The following ZNF777 variants were observed in gnomAD, a reference collection of about 807,000 sequenced individuals.
The protein encoded by ZNF777 is zinc finger protein 777.
A neutral mutation model predicts 72.1 loss-of-function variants in ZNF777; 7 were observed. The observed-to-expected ratio is 0.10, with a 90% CI of 0.06 to 0.18. The LOEUF (loss-of-function observed/expected upper bound fraction) is 0.18. ZNF777 is among the 10% of genes least tolerant of loss of function. The probability of loss-of-function intolerance (pLI) is 1.00; values close to 1 mark genes in which losing one functional copy is unlikely to be tolerated. For missense variants in ZNF777, 828 were observed against 1,128.6 expected (o/e 0.73, Z 3.82); for synonymous variants, 545 against 483.5 (o/e 1.13, Z -1.67).
At position 149,436,520 on chromosome 7, in the gene ZNF777, C is replaced by A; in HGVS notation, c.1339+55G>T. On this transcript the variant is annotated intron_variant, in intron 5 of 5. Coordinates refer to ENST00000247930, the MANE Select transcript of ZNF777 (RefSeq NM_015694.3). This position sits in a 1 kb window ranked among gnomAD's most constrained non-coding sequence, Gnocchi z 5.0. The stretch of plus-strand genomic sequence containing the variant: ...CCACAGCTTTCCCAGGGGGCAGGGG[C>A]CCTCTGGGAGGCCTCATGGCAACCC... 6.5e-7 allele frequency: 1 copy of A among 1,531,438 alleles called. No individual in the cohort carries two copies. Among genetic ancestry groups the A allele is most frequent in the Non-Finnish European group, 8.8e-7 (1 of 1,139,148 alleles). The allele number at this position is 1,531,438 out of a possible 1,614,324, so 94.9% of individuals were successfully genotyped here.
At position 149,431,566 on chromosome 7, in the gene ZNF777, T is replaced by A; in HGVS notation, c.*210A>T. ...GAAAGGGTTCCCCAGGTCCGCGCCC[T>A]CCCCCCTGGGGCCCCCGGGGAAACG... On this transcript the variant is annotated 3_prime_UTR_variant, in exon 6 of 6. Transcript: ENST00000247930. 1 of 495,714 alleles carries A rather than the reference T, an allele frequency of 2.0e-6. No individual in the cohort carries two copies. The highest frequency in any genetic ancestry group is 3.7e-6 in the Non-Finnish European group (1 of 272,710). 30.7% of individuals were successfully genotyped at this position (495,714 alleles called of 1,614,324 possible).
Position 149,431,463 on chromosome 7 carries a change from C to T in ZNF777, c.*313G>A, listed in dbSNP as rs1799301838. ...ACTAGATGGGCCCTACACCGCCCCT[C>T]TGAGTGGCCGGCGGCCAAATCACGC... On this transcript the variant is annotated 3_prime_UTR_variant, in exon 6 of 6. Transcript: ENST00000247930. 2.2e-6 allele frequency: 1 copy of T among 446,296 alleles called. No homozygotes were observed. The highest frequency in any genetic ancestry group is 4.5e-6 in the Non-Finnish European group (1 of 222,730). The allele number at this position is 446,296 out of a possible 1,614,324, so 27.6% of individuals were successfully genotyped here.
At position 149,432,742 on chromosome 7, in the gene ZNF777, G is replaced by T. The variant is rs745544962; in HGVS notation, c.1530C>A (p.Asn510Lys). 4.3e-6 allele frequency: 7 copies of T among 1,611,806 alleles called. No homozygotes were observed. Among genetic ancestry groups the T allele is most frequent in the Non-Finnish European group, 4.2e-6 (5 of 1,178,470 alleles). ...AGGGCGCCAGCCTTTTCACTGCGGGGTTTCCTAGCTGCAGGGGCGGGGGGC... is the reference window on the plus strand; with the variant it reads ...AGGGCGCCAGCCTTTTCACTGCGGGTTTTCCTAGCTGCAGGGGCGGGGGGC... ...EESPPPLQLG[N>K]PAVKRLAPSV... Residue 510 changes from asparagine to lysine, a missense_variant, in exon 6 of 6, where the codon AAC becomes AAA. Asn to Lys is a moderately conservative substitution (Grantham distance 94, BLOSUM62 0). Transcript: ENST00000247930.
intron 4 of ZNF777, among the ~76,000 whole-genome samples, chr7:149,448,583 A>ATATAAC (rs1554494025): frequency 1.1e-4 from 2 of 19,030 alleles, no homozygotes; most frequent in Non-Finnish European, 1.7e-4. Context: ...ATATAACTAT[A>ATATAAC]TATATATATA....
At position 149,431,496 on chromosome 7, in the gene ZNF777, G is replaced by A. The variant is rs1227263194; in HGVS notation, c.*280C>T. 1.3e-5 allele frequency: 6 copies of A among 451,388 alleles called. No homozygotes were observed. The highest frequency in any genetic ancestry group is 9.5e-5 in the South Asian group (6 of 63,244). 28.0% of individuals were successfully genotyped at this position (451,388 alleles called of 1,614,324 possible). A position where few individuals can be genotyped will look rare whatever the true frequency, so the allele number is the denominator to read the frequency against. ...CCGGCGGCCAAATCACGCCCCCCGT[G>A]CTGATTGGTTTCATCCATTTTATTG... On this transcript the variant is annotated 3_prime_UTR_variant, in exon 6 of 6. Coordinates refer to ENST00000247930, the MANE Select transcript of ZNF777 (RefSeq NM_015694.3).
intron 4 of ZNF777, among the ~76,000 whole-genome samples, chr7:149,446,539 G>A (rs1215560559): frequency 4.1e-4 from 62 of 152,052 alleles, no homozygotes; most frequent in Non-Finnish European, 5.9e-5. Context: ...GAGAAATATG[G>A]CTTTGGTATG....
In ZNF777 at chr7:149,432,427, G is replaced by C; in HGVS notation, c.1845C>G (p.His615Gln). ...PERGPTFNPKHALKPRPKSPS... is the reference protein window; with the variant it reads ...PERGPTFNPKQALKPRPKSPS... ...GTGACTTGGGACGCGGCTTGAGCGC[G>C]TGCTTGGGGTTGAACGTGGGCCCGC... is the stretch of plus-strand genomic sequence containing the variant. Residue 615 changes from histidine (H) to glutamine (Q), a missense_variant, in exon 6 of 6, where the codon CAC (histidine) becomes CAG (glutamine). Coordinates refer to ENST00000247930, the MANE Select transcript of ZNF777 (RefSeq NM_015694.3). 1 of 1,613,446 alleles carries C rather than the reference G, an allele frequency of 6.2e-7. No homozygotes were observed. The highest frequency in any genetic ancestry group is 1.1e-5 in the South Asian group (1 of 91,074).
Position 149,454,401 on chromosome 7 carries a change from G to A in ZNF777, c.847-164C>T, listed in dbSNP as rs1343990292. On this transcript the variant is annotated intron_variant, in intron 2 of 5. Coordinates refer to ENST00000247930, the MANE Select transcript of ZNF777 (RefSeq NM_015694.3). ...CAAAGAGTGAGGGGCCTGTCTTGTCGGATCCTTTTCCTCCCCTTCAGGATA... is the reference window on the plus strand; with the variant it reads ...CAAAGAGTGAGGGGCCTGTCTTGTCAGATCCTTTTCCTCCCCTTCAGGATA... Among the ~76,000 whole-genome samples the A allele has an allele frequency of 2.6e-5, 4 of 152,182 alleles. No homozygotes were observed. The East Asian group carries it at 7.7e-4, about 29-fold the overall frequency.
intron 3 of ZNF777, among the ~76,000 whole-genome samples, chr7:149,453,195 A>C (rs555064778): frequency 6.6e-6 from 1 of 152,202 alleles, no homozygotes; most frequent in South Asian, 2.1e-4. Context: ...ACCTCTGGGG[A>C]GTGGTACTGG....
chr7:149,432,611 C>G lies in ZNF777; in HGVS notation c.1661G>C (p.Ser554Thr). Reference protein sequence around the residue: ...RPFTCMECGKSFRLKINLIIH... With the variant: ...RPFTCMECGKTFRLKINLIIH... ...GATGAGGTTGATCTTCAGGCGGAAG[C>G]TCTTGCCGCACTCCATGCATGTGAA... Residue 554 changes from serine (S) to threonine (T), a missense_variant, in exon 6 of 6, where the codon AGC (serine) becomes ACC (threonine). By Grantham distance (58) the Ser-to-Thr change is moderately conservative. Transcript: ENST00000247930. 1 of 1,613,888 alleles carries G rather than the reference C, an allele frequency of 6.2e-7. No homozygotes were observed. The highest frequency in any genetic ancestry group is 8.5e-7 in the Non-Finnish European group (1 of 1,179,830).
intron 5 of ZNF777, among the ~76,000 whole-genome samples, chr7:149,434,948 C>T (rs919470755): frequency 4.6e-5 from 7 of 152,150 alleles, no homozygotes; most frequent in African/African-American, 1.7e-4. Context: ...AAACTCAAGA[C>T]TCAAAACTCC....
rs1207898577 is a variant in ZNF777 at position 149,432,228 on chromosome 7, G to A, written c.2044C>T (p.His682Tyr). ...SFRLHISLVI[H>Y]QRVHAGKHEV... Reference sequence around the variant, plus strand: ...TGCTTGCCCGCGTGCACGCGCTGATGGATCACCAAGCTGATGTGCAGGCGG... The same window carrying A: ...TGCTTGCCCGCGTGCACGCGCTGATAGATCACCAAGCTGATGTGCAGGCGG... Residue 682 changes from histidine (H) to tyrosine (Y), a missense_variant, in exon 6 of 6, where the codon CAT becomes TAT. Physicochemically the swap from His to Tyr is moderately conservative, Grantham distance 83 (BLOSUM62 2). Around this residue, in one of 12 missense-constraint regions of ZNF777, gnomAD observed 26 missense variants for 62.1 expected, o/e 0.42. Coordinates refer to ENST00000247930, the MANE Select transcript of ZNF777 (RefSeq NM_015694.3). The A allele has an allele frequency of 6.2e-7, 1 of 1,608,114 alleles. No homozygotes were observed. Among genetic ancestry groups the A allele is most frequent in the East Asian group, 2.2e-5 (1 of 44,822 alleles).
At chr7:149,451,812 A>C (rs531285060) in intron 3 of ZNF777, among the ~76,000 whole-genome samples, 1 of 152,380 alleles carries the variant, frequency 6.6e-6, no homozygotes, top group East Asian at 1.9e-4. Flanking sequence ...AAGATGAAGA[A>C]ACTTGGAGGA....
At position 149,460,040 on chromosome 7, in the gene ZNF777, G is replaced by C; in HGVS notation, c.-16+775C>G. ...GTTTCTGCCCCTTACCGAGATCCCA[G>C]GCCGGGCCGCCGAGCCCGGGACACG... On this transcript the variant is annotated intron_variant, in intron 1 of 5. Coordinates refer to ENST00000247930, the MANE Select transcript of ZNF777 (RefSeq NM_015694.3). This position sits in a 1 kb window ranked among gnomAD's most constrained non-coding sequence, Gnocchi z 6.1. 1.0e-6 allele frequency: 1 copy of C among 981,732 alleles called. No homozygotes were observed. Among genetic ancestry groups the C allele is most frequent in the Non-Finnish European group, 1.2e-6 (1 of 828,304 alleles). The allele number at this position is 981,732 out of a possible 1,614,324, so 60.8% of individuals were successfully genotyped here.
At chr7:149,444,341 T>C (rs1165329121) in intron 4 of ZNF777, among the ~76,000 whole-genome samples, 1 of 152,196 alleles carries the variant, frequency 6.6e-6, no homozygotes, top group African/African-American at 2.4e-5. Flanking sequence ...TGTGTAACTC[T>C]CCTTTCCAAA....
Position 149,432,520 on chromosome 7 carries a change from C to A in ZNF777, c.1752G>T (p.Arg584=), listed in dbSNP as rs368577618. The A allele has an allele frequency of 2.5e-6, 4 of 1,613,746 alleles. No individual in the cohort carries two copies. Among genetic ancestry groups the A allele is most frequent in the Non-Finnish European group, 3.4e-6 (4 of 1,179,852 alleles). Residue 584 remains arginine (R), a synonymous_variant, in exon 6 of 6, where the codon CGG becomes CGT. Transcript: ENST00000247930. ...YECAECEISF[R]HKQQLTLHQR... is the part of the protein sequence containing the mutation. ...GGTGCAGCGTGAGCTGTTGCTTGTG[C>A]CGGAAGCTGATCTCGCATTCGGCGC...
At chr7:149,459,744 C>T (rs892054543) in intron 1 of ZNF777, 3 of 984,996 alleles carry the variant, frequency 3.0e-6, no homozygotes, top group Non-Finnish European at 3.6e-6. Context: ...AGAGCCGCGT[C>T]AGCGCCGCGC....
chr7:149,432,262 C>T lies in ZNF777; in HGVS notation c.2010G>A (p.Lys670=), dbSNP rs1185230078. ...GERPYTCPEC[K]KSFRLHISLV... is the part of the protein sequence containing the mutation. ...AGCTGATGTGCAGGCGGAAGCTCTTCTTGCACTCGGGGCACGTGTAGGGCC... is the reference window on the plus strand; with the variant it reads ...AGCTGATGTGCAGGCGGAAGCTCTTTTTGCACTCGGGGCACGTGTAGGGCC... Residue 670 remains lysine, a synonymous_variant, in exon 6 of 6, where the codon AAG becomes AAA. Transcript: ENST00000247930. 6.2e-7 allele frequency: 1 copy of T among 1,603,526 alleles called. No homozygotes were observed. The highest frequency in any genetic ancestry group is 2.3e-5 in the East Asian group (1 of 44,312).
chr7:149,433,847 C>T (rs910202002), intron 5 of ZNF777, among the ~76,000 whole-genome samples: 2 of 152,222 alleles, frequency 1.3e-5, no homozygotes, highest in African/African-American at 4.8e-5. Flanking sequence ...TGGCTCCCGA[C>T]TCCTGTTTGA....
Sources: gnomAD v4.1 joint callset for allele counts (sites outside exome capture counted in the v4.1 genomes callset) on GRCh38, gnomAD v4.1.1 for gene constraint, gnomAD v4.1.1 regional missense constraint, Gnocchi (gnomAD v3.1) non-coding constraint, MANE v1.5 for transcripts, NCBI Gene and HGNC (gene_info 2026-07-23, HGNC 2026-07-21) for gene names.